The following RBFOX1 variants were observed in gnomAD, a reference collection of about 807,000 sequenced individuals.
The protein encoded by RBFOX1 is RNA binding protein fox-1 homolog 1.
RBFOX1 carries 8 observed loss-of-function variants against 57.7 expected under a neutral mutation model. That is an observed-to-expected ratio of 0.14 (90% CI 0.08 to 0.25). RBFOX1 has a LOEUF of 0.25. Among genes scored for constraint, RBFOX1 ranks in the 10% least tolerant of loss-of-function variants. The probability of loss-of-function intolerance (pLI) is 1.00; values close to 1 mark genes in which losing one functional copy is unlikely to be tolerated. For synonymous variants in RBFOX1, 326 were observed against 222.4 expected, an observed-to-expected ratio of 1.47 and a Z score of -4.15; for missense variants, 611 against 548.5, an observed-to-expected ratio of 1.11 and a Z score of -1.14.
intron 3 of RBFOX1, among the ~76,000 whole-genome samples, chr16:6,870,474 A>C (rs567517162): frequency 6.6e-6 from 1 of 152,228 alleles, no homozygotes; most frequent in African/African-American, 2.4e-5. Context: ...GGCTAGCTTC[A>C]CAACAAGGAT....
intron 2 of RBFOX1, among the ~76,000 whole-genome samples, chr16:6,497,121 G>T (rs2095793383): frequency 6.6e-6 from 1 of 152,148 alleles, no homozygotes; most frequent in South Asian, 2.1e-4. Flanking sequence ...TTTAGAGAAG[G>T]TAATTAACCA....
chr16:7,557,069 G>A (rs1455496563), intron 5 of RBFOX1, among the ~76,000 whole-genome samples: 1 of 152,054 alleles, frequency 6.6e-6, no homozygotes, highest in Non-Finnish European at 1.5e-5. Flanking sequence ...TCTTTGTAAT[G>A]TTGTTTTATT....
At chr16:7,578,447 G>T (rs1415153728) in intron 5 of RBFOX1, among the ~76,000 whole-genome samples, 1 of 152,314 alleles carries the variant, frequency 6.6e-6, no homozygotes, top group East Asian at 1.9e-4. Context: ...GCGATTCAGG[G>T]TGTGTTAGGA....
At chr16:6,920,405 C>G (rs960452786) in intron 3 of RBFOX1, among the ~76,000 whole-genome samples, 12 of 152,140 alleles carry the variant, frequency 7.9e-5, no homozygotes, top group Non-Finnish European at 1.3e-4. Context: ...TCTACTGTTT[C>G]TCTTGCTTCC....
intron 1 of RBFOX1, among the ~76,000 whole-genome samples, chr16:6,310,901 T>TA (rs200121160): frequency 0.043 from 6,075 of 140,226 alleles, 242 homozygotes; most frequent in African/African-American, 0.11. Context: ...ACCAGTGGTT[T>TA]AAAAAAAAAA....
At chr16:6,328,928 A>T (rs1191826605) in intron 2 of RBFOX1, among the ~76,000 whole-genome samples, 1 of 152,154 alleles carries the variant, frequency 6.6e-6, no homozygotes, top group Non-Finnish European at 1.5e-5. Context: ...ACAAGGATCC[A>T]ACCAACAAGT....
At chr16:7,012,692 A>G (rs1010064829) in intron 3 of RBFOX1, among the ~76,000 whole-genome samples, 3 of 152,218 alleles carry the variant, frequency 2.0e-5, no homozygotes, top group African/African-American at 4.8e-5. Flanking sequence ...CTTTATCAGC[A>G]AAGGGAGGCC....
chr16:7,478,339 C>T lies in RBFOX1; in HGVS notation c.28-39808C>T, dbSNP rs139810904. ...AAAGGGATAGCAAGAGGAAGATAGACTTTACTCCAGGTGGCCCAAGGGAAA... is the reference window on the plus strand; with the variant it reads ...AAAGGGATAGCAAGAGGAAGATAGATTTTACTCCAGGTGGCCCAAGGGAAA... On this transcript the variant is annotated intron_variant, in intron 4 of 15. Transcript: ENST00000550418. Among the ~76,000 whole-genome samples, 647 of 152,290 alleles carry T rather than the reference C, an allele frequency of 4.2e-3. 5 individuals are homozygous for T. Among genetic ancestry groups the T allele is most frequent in the African/African-American group, 0.015 (620 of 41,562 alleles).
intron 1 of RBFOX1, among the ~76,000 whole-genome samples, chr16:5,421,071 AT>A (rs1324663610): frequency 2.0e-5 from 3 of 150,178 alleles, no homozygotes; most frequent in Non-Finnish European, 4.4e-5. Flanking sequence ...CAGTGGTGCA[AT>A]CTCAGCTCAC....
At chr16:7,536,627 G>C (rs1379308670) in intron 5 of RBFOX1, among the ~76,000 whole-genome samples, 2 of 152,106 alleles carry the variant, frequency 1.3e-5, no homozygotes, top group African/African-American at 4.8e-5. Context: ...ATAAAAGAAA[G>C]ACATGCAGAG....
At chr16:6,604,608 C>G (rs1296581348) in intron 2 of RBFOX1, among the ~76,000 whole-genome samples, 1 of 152,182 alleles carries the variant, frequency 6.6e-6, no homozygotes, top group Non-Finnish European at 1.5e-5. Context: ...CTCTTAATTA[C>G]TGTTGTATAT....
intron 4 of RBFOX1, among the ~76,000 whole-genome samples, chr16:5,920,987 T>G (rs76734528): frequency 6.6e-6 from 1 of 152,214 alleles, no homozygotes; most frequent in Non-Finnish European, 1.5e-5. Flanking sequence ...TGTGTGACGT[T>G]GAGCAGGAGA....
intron 4 of RBFOX1, among the ~76,000 whole-genome samples, chr16:7,500,084 A>T (rs1385766049): frequency 6.6e-6 from 1 of 152,136 alleles, no homozygotes; most frequent in African/African-American, 2.4e-5. Flanking sequence ...CTCAGCATTC[A>T]ATCAGGCAGA....
intron 2 of RBFOX1, among the ~76,000 whole-genome samples, chr16:5,558,269 G>T (rs35624230): frequency 1.3e-5 from 2 of 152,064 alleles, no homozygotes; most frequent in South Asian, 2.1e-4. Context: ...GCAGCATGCA[G>T]AGCTGAAAGA....
chr16:6,061,145 G>A (rs1263286836), intron 1 of RBFOX1, among the ~76,000 whole-genome samples: 6 of 152,200 alleles, frequency 3.9e-5, no homozygotes, highest in African/African-American at 1.2e-4. Context: ...TGGACCAGAG[G>A]AGGGTCATGG....
At chr16:5,613,459 T>C (rs1368451502) in intron 3 of RBFOX1, among the ~76,000 whole-genome samples, 2 of 152,146 alleles carry the variant, frequency 1.3e-5, no homozygotes, top group African/African-American at 4.8e-5. Flanking sequence ...TGGCACAGGG[T>C]TGCAGCCCTG....
At chr16:6,995,992 A>G (rs1170807478) in intron 3 of RBFOX1, among the ~76,000 whole-genome samples, 1 of 152,200 alleles carries the variant, frequency 6.6e-6, no homozygotes, top group Non-Finnish European at 1.5e-5. Flanking sequence ...CATTGGAAGT[A>G]TATTTATAGC....
At chr16:5,251,833 A>G (rs2062460448) in intron 1 of RBFOX1, among the ~76,000 whole-genome samples, 1 of 152,162 alleles carries the variant, frequency 6.6e-6, no homozygotes. Flanking sequence ...TATGTAAATT[A>G]ATAGCTTAAT....
chr16:5,649,374 T>C (rs963485098), intron 3 of RBFOX1, among the ~76,000 whole-genome samples: 2 of 152,156 alleles, frequency 1.3e-5, no homozygotes, highest in African/African-American at 2.4e-5. Flanking sequence ...TTCGCCATGT[T>C]GGCCAGGTTG....
Sources: gnomAD v4.1 joint callset for allele counts (sites outside exome capture counted in the v4.1 genomes callset) on GRCh38, gnomAD v4.1.1 for gene constraint, MANE v1.5 for transcripts, NCBI Gene and HGNC (gene_info 2026-07-23, HGNC 2026-07-21) for gene names.